Variants in ZNF521 observed in about 807,000 individuals in gnomAD.
ZNF521 encodes the protein LYST-interacting protein 3.
A neutral mutation model predicts 105.5 loss-of-function variants in ZNF521; 14 were observed. The ratio of observed to expected loss-of-function variants is 0.13; its 90% CI spans 0.09 to 0.21. The LOEUF (loss-of-function observed/expected upper bound fraction) is 0.21, where lower values mean the gene tolerates loss of function less well. ZNF521 is among the 10% of genes least tolerant of loss of function. The probability of loss-of-function intolerance (pLI) is 1.00; values close to 1 mark genes in which losing one functional copy is unlikely to be tolerated. For synonymous variants in ZNF521, 635 were observed against 606.0 expected (o/e 1.05, Z -0.70); for missense variants, 1,233 against 1,629.7 (o/e 0.76, Z 4.19).
chr18:25,298,105 C>T (rs28431884), intron 3 of ZNF521, among the ~76,000 whole-genome samples: 10,324 of 152,178 alleles, frequency 0.068, 689 homozygotes, highest in African/African-American at 0.17. Flanking sequence ...TGAAAAATTG[C>T]TTCTCTTAAT....
intron 5 of ZNF521, among the ~76,000 whole-genome samples, chr18:25,119,616 T>C (rs1463747262): frequency 6.6e-6 from 1 of 152,056 alleles, no homozygotes; most frequent in Non-Finnish European, 1.5e-5. Context: ...AATTAGAATA[T>C]ACTTTGAAAG....
At chr18:25,114,158 G>A (rs2034257292) in intron 5 of ZNF521, among the ~76,000 whole-genome samples, 1 of 152,028 alleles carries the variant, frequency 6.6e-6, no homozygotes, top group Non-Finnish European at 1.5e-5. Context: ...GGGGGTTGGG[G>A]GAAAGAAAAG....
chr18:25,318,398 G>A (rs1404180251), intron 3 of ZNF521, among the ~76,000 whole-genome samples: 1 of 152,126 alleles, frequency 6.6e-6, no homozygotes, highest in Non-Finnish European at 1.5e-5. Flanking sequence ...TCACATAGGT[G>A]TATTTATTTT....
At chr18:25,101,308 G>A (rs1716137401) in intron 5 of ZNF521, among the ~76,000 whole-genome samples, 1 of 152,044 alleles carries the variant, frequency 6.6e-6, no homozygotes, top group Non-Finnish European at 1.5e-5. Context: ...CACATATACT[G>A]AGGGACTTGT....
intron 2 of ZNF521, among the ~76,000 whole-genome samples, chr18:25,346,236 T>C (rs1914458230): frequency 6.6e-6 from 1 of 151,138 alleles, no homozygotes; most frequent in African/African-American, 2.4e-5. Flanking sequence ...ACTGATGAGG[T>C]TTTTTTTTGT....
intron 2 of ZNF521, among the ~76,000 whole-genome samples, chr18:25,340,396 C>A (rs1320769319): frequency 2.6e-5 from 4 of 151,986 alleles, no homozygotes; most frequent in Admixed American, 6.6e-5. Context: ...CAAAATCAAA[C>A]AACACACTTT....
intron 5 of ZNF521, among the ~76,000 whole-genome samples, chr18:25,192,380 G>C (rs2035833174): frequency 6.6e-6 from 1 of 152,110 alleles, no homozygotes; most frequent in African/African-American, 2.4e-5. Context: ...CCAACAGCCT[G>C]AGACCAGCAC....
At chr18:25,304,209 G>C (rs1911836713) in intron 3 of ZNF521, among the ~76,000 whole-genome samples, 1 of 152,166 alleles carries the variant, frequency 6.6e-6, no homozygotes, top group Non-Finnish European at 1.5e-5. Flanking sequence ...TAAGGCAAAA[G>C]ATGCTACTAT....
intron 3 of ZNF521, among the ~76,000 whole-genome samples, chr18:25,292,632 T>G (rs1254101163): frequency 1.3e-5 from 2 of 152,158 alleles, no homozygotes; most frequent in East Asian, 3.9e-4. Context: ...TGGGTATGGA[T>G]AGTGGAAAGC....
intron 3 of ZNF521, among the ~76,000 whole-genome samples, chr18:25,313,165 CT>C: frequency 6.6e-6 from 1 of 152,208 alleles, no homozygotes; most frequent in Non-Finnish European, 1.5e-5. Context: ...ATAAACAGTA[CT>C]CCAGTCAGCT....
chr18:25,293,204 T>C (rs1911133574), intron 3 of ZNF521, among the ~76,000 whole-genome samples: 1 of 152,162 alleles, frequency 6.6e-6, no homozygotes, highest in African/African-American at 2.4e-5. Flanking sequence ...ATCATACATA[T>C]GATTCCACAC....
chr18:25,081,468 A>G (rs896625011), intron 7 of ZNF521, among the ~76,000 whole-genome samples: 5 of 152,172 alleles, frequency 3.3e-5, no homozygotes, highest in Admixed American at 2.0e-4. Context: ...GCTTATTGCA[A>G]TTACCTCTGT....
chr18:25,200,934 TTGTC>T (rs1407721182), intron 4 of ZNF521: 1 of 152,084 alleles, frequency 6.6e-6, no homozygotes, highest in Non-Finnish European at 1.5e-5. Flanking sequence ...TTCAAAGTCT[TTGTC>T]AGACTGTTCA....
At chr18:25,262,573 G>C (rs1168811554) in intron 3 of ZNF521, among the ~76,000 whole-genome samples, 1 of 152,168 alleles carries the variant, frequency 6.6e-6, no homozygotes, top group Admixed American at 6.5e-5. Context: ...ACTATGATCA[G>C]AGAAAAACAG....
At chr18:25,138,534 C>T (rs1015980431) in intron 5 of ZNF521, among the ~76,000 whole-genome samples, 2 of 151,670 alleles carry the variant, frequency 1.3e-5, no homozygotes, top group African/African-American at 4.8e-5. Flanking sequence ...GTGGGGAGGA[C>T]AGAGCTCAGG....
At chr18:25,157,920 T>G (rs2035177357) in intron 5 of ZNF521, among the ~76,000 whole-genome samples, 1 of 151,928 alleles carries the variant, frequency 6.6e-6, no homozygotes, top group African/African-American at 2.4e-5. Context: ...CCCAGCTAAT[T>G]TTTTTGTATT....
chr18:25,218,324 A>T (rs570733068), intron 4 of ZNF521, among the ~76,000 whole-genome samples: 1 of 151,944 alleles, frequency 6.6e-6, no homozygotes, highest in South Asian at 2.1e-4. Context: ...CAGAGATTGA[A>T]CTTAAAACGT....
rs562743132 is a variant in ZNF521, at chr18:25,180,803, C to T, written c.3658+14357G>A. ...ATCCATCCATTTTGTGGCATTAGTGCTCTGCTGCATAAAATAAAAGGTTCT... is the reference window on the plus strand; with the variant it reads ...ATCCATCCATTTTGTGGCATTAGTGTTCTGCTGCATAAAATAAAAGGTTCT... On this transcript the variant is annotated intron_variant, in intron 5 of 7. Transcript: ENST00000361524. 6.5e-4 allele frequency among the ~76,000 whole-genome samples: 99 copies of T among 152,232 alleles called. 3 individuals carry two copies. In the South Asian group the frequency reaches 0.02, roughly 31 times the overall value.
intron 7 of ZNF521, among the ~76,000 whole-genome samples, chr18:25,081,221 G>A (rs2144169173): frequency 6.6e-6 from 1 of 152,248 alleles, no homozygotes; most frequent in African/African-American, 2.4e-5. Flanking sequence ...ATGGCAGTTC[G>A]GAGATGGCCA....
Sources: gnomAD v4.1 joint callset for allele counts (sites outside exome capture counted in the v4.1 genomes callset) on GRCh38, gnomAD v4.1.1 for gene constraint, MANE v1.5 for transcripts, NCBI Gene and HGNC (gene_info 2026-07-23, HGNC 2026-07-21) for gene names.